FOXP4: variants seen among roughly 807,000 people sequenced by gnomAD.
The protein encoded by FOXP4 is forkhead box P4, also known as forkhead box protein P4.
In FOXP4, 25 loss-of-function variants were observed where a neutral mutation model predicts 82.6. That is an observed-to-expected ratio of 0.30 (90% confidence interval 0.22 to 0.42). FOXP4 has a LOEUF of 0.42. Ranked by LOEUF, FOXP4 falls within the 10% of genes least tolerant of loss-of-function variation. The pLI, the probability that FOXP4 is intolerant of heterozygous loss-of-function variation, is 1.00. For synonymous variants in FOXP4, 415 were observed against 388.2 expected (o/e 1.07, Z -0.81); for missense variants, 785 against 900.9 (o/e 0.87, Z 1.65).
chr6:41,601,201 A>G lies in FOXP4; in HGVS notation c.*2265A>G, dbSNP rs1383395495. ...CCACGTGGCACACTGTGTGGTGACC[A>G]TGGTCATCATAGTGGGCTCACGGCG... On this transcript the variant is annotated 3_prime_UTR_variant, in exon 17 of 17. Transcript: ENST00000307972. The G allele has an allele frequency of 1.3e-5, 2 of 152,286 alleles. No individual in the cohort carries two copies. Among genetic ancestry groups the G allele is most frequent in the East Asian group, 1.9e-4 (1 of 5,184 alleles). The allele number at this position is 152,286 out of a possible 1,614,324, so 9.4% of individuals were successfully genotyped here.
chr6:41,587,227 C>T, intron 6 of FOXP4, 71 bp downstream of exon 6: 1 of 1,608,122 alleles, frequency 6.2e-7, no homozygotes, highest in Non-Finnish European at 8.5e-7. Flanking sequence ...AGCTGGCAGC[C>T]CCTGTTCTTG....
At chr6:41,555,683 A>G (rs1764235747) in intron 1 of FOXP4, among the ~76,000 whole-genome samples, 1 of 152,242 alleles carries the variant, frequency 6.6e-6, no homozygotes, top group Non-Finnish European at 1.5e-5. Flanking sequence ...GTCTCTGATT[A>G]ACCAAACTTG....
Position 41,591,089 on chromosome 6 carries a change from A to G in FOXP4, c.1435-132A>G. The G allele has an allele frequency of 2.8e-6, 2 of 718,596 alleles. No individual in the cohort carries two copies. The highest frequency in any genetic ancestry group is 4.8e-6 in the Non-Finnish European group (2 of 415,292). 44.5% of individuals were successfully genotyped at this position (718,596 alleles called of 1,614,324 possible). On this transcript the variant is annotated intron_variant, in intron 12 of 16. Coordinates refer to ENST00000307972, the MANE Select transcript of FOXP4 (RefSeq NM_001012426.2). The surrounding 1 kb of genome is among the most constrained non-coding windows in gnomAD (Gnocchi z 4.2). ...CCACCACCCATCTTGTTATCCACAC[A>G]TTTCTGAGCAGGTCTTCTCACAAAG... is the stretch of plus-strand genomic sequence containing the variant.
Position 41,578,088 on chromosome 6 carries a change from AAG to A in FOXP4, c.300+12_300+13del. The A allele has an allele frequency of 1.2e-6, 2 of 1,612,310 alleles. No homozygotes were observed. The highest frequency in any genetic ancestry group is 1.3e-5 in the African/African-American group (1 of 75,040). On this transcript the variant is annotated splice_region_variant and intron_variant, in intron 3 of 16. Coordinates refer to ENST00000307972, the MANE Select transcript of FOXP4 (RefSeq NM_001012426.2). The stretch of plus-strand genomic sequence containing the variant: ...GTCTGCCTCTGCTGTGCAGGTGAGG[AAG>A]AGAGCACCCCGCTGGCTCTGGGTTG...
At chr6:41,573,552 T>C (rs139884629) in intron 2 of FOXP4, among the ~76,000 whole-genome samples, 94 of 152,150 alleles carry the variant, frequency 6.2e-4, no homozygotes, top group Middle Eastern at 3.4e-3. Context: ...GGGGCTGGGC[T>C]GGAAGAGGGT....
chr6:41,560,508 G>T (rs1027313480), intron 1 of FOXP4, among the ~76,000 whole-genome samples: 1 of 152,242 alleles, frequency 6.6e-6, no homozygotes, highest in African/African-American at 2.4e-5. Context: ...AAGAACTGGG[G>T]CCTCATCTCC....
intron 14 of FOXP4, 24 bp downstream of exon 14, chr6:41,595,015 G>T: frequency 2.5e-6 from 4 of 1,613,576 alleles, no homozygotes; most frequent in Non-Finnish European, 3.4e-6. Flanking sequence ...GAGCTGGATG[G>T]GCTGTACCTG....
At chr6:41,549,963 AAAT>A in intron 1 of FOXP4, among the ~76,000 whole-genome samples, 1 of 152,314 alleles carries the variant, frequency 6.6e-6, no homozygotes, top group Non-Finnish European at 1.5e-5. Context: ...AAACTGTGTG[AAAT>A]AATAATTTCT....
intron 4 of FOXP4, 64 bp from the exon 5 acceptor site, chr6:41,585,367 G>A (rs2127388642): frequency 5.9e-6 from 9 of 1,522,604 alleles, no homozygotes; most frequent in African/African-American, 1.4e-5. Context: ...GCCCAGATGG[G>A]ACAGGGCTGG....
At chr6:41,561,961 C>T (rs1240381635) in intron 1 of FOXP4, among the ~76,000 whole-genome samples, 1 of 152,218 alleles carries the variant, frequency 6.6e-6, no homozygotes, top group Non-Finnish European at 1.5e-5. Flanking sequence ...TACCCCACAC[C>T]CTTGTAGTTA....
At chr6:41,596,858 G>T (rs967880813) in intron 14 of FOXP4, among the ~76,000 whole-genome samples, 1 of 152,090 alleles carries the variant, frequency 6.6e-6, no homozygotes, top group African/African-American at 2.4e-5. Context: ...AAACGGGTGG[G>T]GGGGCAGCAT....
rs1353854833 is a variant in FOXP4, at chr6:41,578,042, A to G, written c.261A>G (p.Pro87=). 1 of 1,613,462 alleles carries G rather than the reference A, an allele frequency of 6.2e-7. No homozygotes were observed. Among genetic ancestry groups the G allele is most frequent in the Non-Finnish European group, 8.5e-7 (1 of 1,180,004 alleles). The change falls in exon 3 of 17, where the codon CCA becomes CCG. Residue 87 remains proline (P), a synonymous_variant. Coordinates refer to ENST00000307972, the MANE Select transcript of FOXP4 (RefSeq NM_001012426.2). ...AGCAGGCCTCAGGCCTGAGCTCCCCAGGGAACAATGACAGCAAACAGTCTG... is the reference window on the plus strand; with the variant it reads ...AGCAGGCCTCAGGCCTGAGCTCCCCGGGGAACAATGACAGCAAACAGTCTG... ...LLQQASGLSS[P]GNNDSKQSAS...
rs934199714 is a variant in FOXP4, at chr6:41,552,543, G to A, written c.-17+5676G>A. Reference sequence around the variant, plus strand: ...ACCTGTTTCCCCTCCCCAGCTGAGCGCTCGCTTTGGATTGTTCCCTCAGTG... The same window carrying A: ...ACCTGTTTCCCCTCCCCAGCTGAGCACTCGCTTTGGATTGTTCCCTCAGTG... On this transcript the variant is annotated intron_variant, in intron 1 of 16. Transcript: ENST00000307972. 3.9e-5 allele frequency among the ~76,000 whole-genome samples: 6 copies of A among 152,300 alleles called. No individual in the cohort carries two copies. The East Asian group carries it at 7.7e-4, about 20-fold the overall frequency.
At chr6:41,585,268 C>T (rs1319317443) in intron 4 of FOXP4, among the ~76,000 whole-genome samples, 163 bp from the exon 5 acceptor site, 5 of 152,160 alleles carry the variant, frequency 3.3e-5, no homozygotes, top group African/African-American at 4.8e-5. Context: ...TCCCTCCCTC[C>T]GCACCCAGAC....
At chr6:41,569,526 T>C (rs902582919) in intron 2 of FOXP4, among the ~76,000 whole-genome samples, 3 of 152,222 alleles carry the variant, frequency 2.0e-5, no homozygotes, top group African/African-American at 7.2e-5. Flanking sequence ...CTTAGGACTC[T>C]CTCTGATAGG....
Position 41,599,050 on chromosome 6 carries a change from A to T in FOXP4, c.*114A>T. ...GCCTCAAGGCAAGTCCAGGACTCAG[A>T]CCGGGGAGGCCCGGGCCAGCAGCTC... On this transcript the variant is annotated 3_prime_UTR_variant, in exon 17 of 17. Transcript: ENST00000307972. The T allele has an allele frequency of 1.4e-6, 2 of 1,395,030 alleles. No homozygotes were observed. Among genetic ancestry groups the T allele is most frequent in the Non-Finnish European group, 1.9e-6 (2 of 1,052,154 alleles). 86.4% of individuals were successfully genotyped at this position (1,395,030 alleles called of 1,614,324 possible).
intron 7 of FOXP4, 59 bp downstream of exon 7, chr6:41,587,571 C>G: frequency 7.2e-7 from 1 of 1,381,118 alleles, no homozygotes. Flanking sequence ...GACCTGGCCC[C>G]CCACCCATGA....
intron 2 of FOXP4, among the ~76,000 whole-genome samples, chr6:41,575,005 G>T (rs553866430): frequency 2.6e-5 from 4 of 152,116 alleles, no homozygotes; most frequent in African/African-American, 9.7e-5. Context: ...GTCTTGCTCT[G>T]TTGCTCAGGC....
chr6:41,560,315 G>A (rs1229627282), intron 1 of FOXP4, among the ~76,000 whole-genome samples: 1 of 152,218 alleles, frequency 6.6e-6, no homozygotes, highest in Non-Finnish European at 1.5e-5. Context: ...GTAAATTGGT[G>A]TTAGCGCTGG....
Sources: allele counts gnomAD v4.1 joint callset (sites outside exome capture counted in the v4.1 genomes callset), GRCh38; gene constraint gnomAD v4.1.1; non-coding constraint Gnocchi (gnomAD v3.1); transcripts MANE v1.5; gene names NCBI Gene and HGNC (gene_info 2026-07-23, HGNC 2026-07-21).